PPFIA2: variants seen among roughly 807,000 people sequenced by gnomAD.
PPFIA2 encodes PPFI scaffold protein A2.
In PPFIA2, 46 loss-of-function variants were observed where a neutral mutation model predicts 175.5. The ratio of observed to expected loss-of-function variants is 0.26; its 90% CI spans 0.21 to 0.34. The LOEUF (loss-of-function observed/expected upper bound fraction) is 0.34. Among genes scored for constraint, PPFIA2 ranks in the 10% least tolerant of loss-of-function variants. PPFIA2 has a pLI of 1.00. For missense variants in PPFIA2, 1,179 were observed against 1,506.1 expected, an observed-to-expected ratio of 0.78 and a Z score of 3.60; for synonymous variants, 568 against 511.4, an observed-to-expected ratio of 1.11 and a Z score of -1.49.
intron 3 of PPFIA2, among the ~76,000 whole-genome samples, chr12:81,727,755 CT>C (rs1198527040): frequency 6.6e-6 from 1 of 151,320 alleles, no homozygotes; most frequent in Non-Finnish European, 1.5e-5. Flanking sequence ...TTTTATGAAA[CT>C]TTCAGGTGAT....
chr12:81,362,863 T>C, intron 14 of PPFIA2, 79 bp from the exon 15 acceptor site: 1 of 865,316 alleles, frequency 1.2e-6, no homozygotes, highest in Non-Finnish European at 1.8e-6. Context: ...AATGATTTTT[T>C]TTAAAAAGGA....
chr12:81,732,382 A>G (rs569078523), intron 3 of PPFIA2, among the ~76,000 whole-genome samples: 1 of 151,680 alleles, frequency 6.6e-6, no homozygotes, highest in African/African-American at 2.4e-5. Context: ...TACAAATTGG[A>G]AAGTCCAGTG....
At chr12:81,728,341 T>C (rs1189588051) in intron 3 of PPFIA2, among the ~76,000 whole-genome samples, 1 of 151,426 alleles carries the variant, frequency 6.6e-6, no homozygotes, top group East Asian at 1.9e-4. Flanking sequence ...AAAATGTCAA[T>C]GGCAAAAAAT....
In PPFIA2 at chr12:81,642,759, CATGTAT is replaced by C. The variant is rs369396311; in HGVS notation, c.303+34026_303+34031del. ...TATGTATGTATGTATTATATACATA[CATGTAT>C]ATGTATGTATGTATTATATACATAC... On this transcript the variant is annotated intron_variant, in intron 4 of 32. Coordinates refer to ENST00000549396, the MANE Select transcript of PPFIA2 (RefSeq NM_003625.5). Among the ~76,000 whole-genome samples the C allele has an allele frequency of 2.8e-4, 2 of 7,158 alleles. 1 individual carries two copies. Among genetic ancestry groups the C allele is most frequent in the Non-Finnish European group, 6.4e-4 (2 of 3,120 alleles). The allele number at this position is 7,158 out of a possible 152,430, so 4.7% of individuals were successfully genotyped here.
chr12:81,679,638 G>A (rs2073228777), intron 3 of PPFIA2, among the ~76,000 whole-genome samples: 1 of 151,868 alleles, frequency 6.6e-6, no homozygotes, highest in Admixed American at 6.6e-5. Flanking sequence ...CGAATTCATG[G>A]CTCTAAATAG....
intron 32 of PPFIA2, chr12:81,260,403 T>C (rs1046867250): frequency 7.2e-5 from 11 of 152,328 alleles, no homozygotes; most frequent in Non-Finnish European, 8.8e-5. Flanking sequence ...GCAAGCACTA[T>C]TGAACATATT....
chr12:81,593,041 A>G (rs1251379573), intron 4 of PPFIA2, among the ~76,000 whole-genome samples: 1 of 151,838 alleles, frequency 6.6e-6, no homozygotes, highest in East Asian at 1.9e-4. Flanking sequence ...CACAGGCATG[A>G]GCCACCATGC....
At chr12:81,461,198 G>A (rs1048264512) in intron 4 of PPFIA2, among the ~76,000 whole-genome samples, 4 of 151,968 alleles carry the variant, frequency 2.6e-5, no homozygotes, top group Admixed American at 2.0e-4. Context: ...ACTTTGTTTT[G>A]CCATGCCCCA....
chr12:81,753,567 T>C (rs2153666701), intron 3 of PPFIA2, among the ~76,000 whole-genome samples: 1 of 148,776 alleles, frequency 6.7e-6, no homozygotes, highest in East Asian at 2.0e-4. Flanking sequence ...ACTTCCAAAG[T>C]ACGGTCATTT....
At chr12:81,544,070 T>C (rs953517156) in intron 4 of PPFIA2, among the ~76,000 whole-genome samples, 32 of 152,102 alleles carry the variant, frequency 2.1e-4, no homozygotes, top group African/African-American at 7.2e-4. Flanking sequence ...GCTTAGACTT[T>C]AGTTAATAAA....
At chr12:81,366,755 T>A (rs2033582091) in intron 14 of PPFIA2, among the ~76,000 whole-genome samples, 1 of 151,766 alleles carries the variant, frequency 6.6e-6, no homozygotes, top group Non-Finnish European at 1.5e-5. Context: ...AAAACTGACA[T>A]AAATTAGCGC....
intron 22 of PPFIA2, among the ~76,000 whole-genome samples, chr12:81,323,471 A>T (rs2054116927): frequency 6.6e-6 from 1 of 152,062 alleles, no homozygotes; most frequent in Admixed American, 6.6e-5. Context: ...TTTACTTAAA[A>T]TTATTTTTCA....
chr12:81,574,710 GA>G (rs1332608625), intron 4 of PPFIA2, among the ~76,000 whole-genome samples: 51 of 144,184 alleles, frequency 3.5e-4, no homozygotes, highest in South Asian at 8.9e-4. Flanking sequence ...TTATTATTGG[GA>G]AAAAAAAAAC....
chr12:81,361,301 C>A (rs1022072455), intron 15 of PPFIA2, among the ~76,000 whole-genome samples: 1 of 151,506 alleles, frequency 6.6e-6, no homozygotes, highest in African/African-American at 2.4e-5. Flanking sequence ...CATTGACTCC[C>A]CTGATATTTT....
intron 4 of PPFIA2, among the ~76,000 whole-genome samples, chr12:81,520,447 A>G (rs1301958123): frequency 6.6e-6 from 1 of 152,196 alleles, no homozygotes; most frequent in Non-Finnish European, 1.5e-5. Context: ...CGAAACCACA[A>G]TACTGAACTG....
At chr12:81,381,131 G>T (rs1452663808) in intron 9 of PPFIA2, among the ~76,000 whole-genome samples, 7 of 152,014 alleles carry the variant, frequency 4.6e-5, no homozygotes, top group African/African-American at 1.7e-4. Context: ...TTGCCAGCCT[G>T]GCTCTGAAAA....
chr12:81,550,747 A>T (rs1488487389), intron 4 of PPFIA2, among the ~76,000 whole-genome samples: 2 of 152,080 alleles, frequency 1.3e-5, no homozygotes, highest in South Asian at 4.1e-4. Flanking sequence ...AAAACAGCAA[A>T]GGCAAATATG....
At chr12:81,635,447 T>A (rs1216839952) in intron 4 of PPFIA2, among the ~76,000 whole-genome samples, 1 of 152,212 alleles carries the variant, frequency 6.6e-6, no homozygotes, top group Non-Finnish European at 1.5e-5. Flanking sequence ...TCAAGAATTT[T>A]GAAAGATCAC....
chr12:81,499,948 G>A (rs2060422474), intron 4 of PPFIA2, among the ~76,000 whole-genome samples: 2 of 152,062 alleles, frequency 1.3e-5, no homozygotes, highest in African/African-American at 4.8e-5. Context: ...CCAACACTCT[G>A]TGTTGCTATT....
Sources: allele counts gnomAD v4.1 joint callset (sites outside exome capture counted in the v4.1 genomes callset), GRCh38; gene constraint gnomAD v4.1.1; transcripts MANE v1.5; gene names NCBI Gene and HGNC (gene_info 2026-07-23, HGNC 2026-07-21).